Variants in ZNF644 observed in about 807,000 individuals in gnomAD.
ZNF644 encodes zinc finger motif enhancer binding protein 2.
A neutral mutation model predicts 108.0 loss-of-function variants in ZNF644; 20 were observed. The ratio of observed to expected loss-of-function variants is 0.19; its 90% confidence interval spans 0.13 to 0.27. The LOEUF is 0.27. ZNF644 is among the 10% of genes least tolerant of loss of function. The pLI is 1.00. For missense variants in ZNF644, 1,338 were observed against 1,548.9 expected, an observed-to-expected ratio of 0.86 and a Z score of 2.29; for synonymous variants, 542 against 539.1, an observed-to-expected ratio of 1.01 and a Z score of -0.08.
chr1:90,935,451 G>A, intron 4 of ZNF644: 5 of 985,780 alleles, frequency 5.1e-6, no homozygotes, highest in Non-Finnish European at 6.0e-6. Flanking sequence ...GTGCATAAGC[G>A]CGTAAGTGGT....
At chr1:90,989,424 T>C (rs999960410) in intron 1 of ZNF644, among the ~76,000 whole-genome samples, 2 of 152,124 alleles carry the variant, frequency 1.3e-5, no homozygotes, top group African/African-American at 2.4e-5. Flanking sequence ...GCGTTTGTAG[T>C]ACCAGCTACT....
chr1:90,960,069 T>C (rs186507942), intron 2 of ZNF644, among the ~76,000 whole-genome samples: 7 of 152,152 alleles, frequency 4.6e-5, no homozygotes, highest in South Asian at 2.1e-4. Flanking sequence ...TGTCATGATA[T>C]TGCAGTACTT....
chr1:90,920,393 G>C (rs1220676743), intron 4 of ZNF644, among the ~76,000 whole-genome samples: 1 of 151,994 alleles, frequency 6.6e-6, no homozygotes, highest in Non-Finnish European at 1.5e-5. Context: ...GCAAATTGAG[G>C]AAGAAGGGCA....
chr1:90,963,789 A>C (rs1346768481), intron 2 of ZNF644, among the ~76,000 whole-genome samples: 1 of 152,136 alleles, frequency 6.6e-6, no homozygotes, highest in East Asian at 1.9e-4. Flanking sequence ...AGTGACTGAG[A>C]AAAGAGACAT....
At chr1:90,929,566 TAA>T (rs1230778842) in intron 4 of ZNF644, among the ~76,000 whole-genome samples, 1 of 152,210 alleles carries the variant, frequency 6.6e-6, no homozygotes, top group African/African-American at 2.4e-5. Flanking sequence ...ATATTATTTT[TAA>T]AAGACACTAC....
chr1:90,937,497 T>G lies in ZNF644; in HGVS notation c.3676A>C (p.Thr1226Pro), dbSNP rs979815314. The G allele has an allele frequency of 1.2e-6, 2 of 1,613,778 alleles. No homozygotes were observed. Among genetic ancestry groups the G allele is most frequent in the Non-Finnish European group, 1.7e-6 (2 of 1,179,720 alleles). Reference sequence around the variant, plus strand: ...AACGTCCTCTTACCTGAGTGCATAGTCAAGTCCATTTTTTGTGGCTGATAC... The same window carrying G: ...AACGTCCTCTTACCTGAGTGCATAGGCAAGTCCATTTTTTGTGGCTGATAC... ...LMYQPQKMDL[T>P]MHSALDCKQK... The change falls in exon 4 of 6, where the codon ACT becomes CCT. Residue 1226 changes from threonine (T) to proline (P), a missense_variant. Physicochemically the swap from Thr to Pro is conservative, Grantham distance 38 (BLOSUM62 -1). Coordinates refer to ENST00000337393, the MANE Select transcript of ZNF644 (RefSeq NM_201269.3).
chr1:90,983,812 A>G (rs1656821331), intron 1 of ZNF644, among the ~76,000 whole-genome samples: 1 of 152,332 alleles, frequency 6.6e-6, no homozygotes, highest in Admixed American at 6.5e-5. Flanking sequence ...CCGTAGTCCC[A>G]ACTACTCAGG....
chr1:90,992,952 G>C (rs775204017), intron 1 of ZNF644, among the ~76,000 whole-genome samples: 6 of 152,166 alleles, frequency 3.9e-5, no homozygotes, highest in Non-Finnish European at 8.8e-5. Flanking sequence ...GCCAAGGCAG[G>C]AGGATTGCAT....
intron 2 of ZNF644, among the ~76,000 whole-genome samples, chr1:90,967,776 G>A (rs1274993366): frequency 4.6e-5 from 7 of 151,792 alleles, no homozygotes; most frequent in Admixed American, 2.0e-4. Flanking sequence ...GGCCAGGCAC[G>A]GTGGCTCACG....
At chr1:90,950,992 T>C (rs969236488) in intron 2 of ZNF644, among the ~76,000 whole-genome samples, 11 of 152,206 alleles carry the variant, frequency 7.2e-5, no homozygotes, top group African/African-American at 2.7e-4. Context: ...GCCTTCCTCA[T>C]CTATATCAGT....
At chr1:90,958,773 A>C (rs1216773375) in intron 2 of ZNF644, among the ~76,000 whole-genome samples, 9 of 152,200 alleles carry the variant, frequency 5.9e-5, no homozygotes, top group Admixed American at 6.5e-5. Flanking sequence ...CACGTGCAAA[A>C]GAATGAAGTT....
intron 1 of ZNF644, among the ~76,000 whole-genome samples, chr1:91,001,761 T>A (rs1658858125): frequency 6.6e-6 from 1 of 152,238 alleles, no homozygotes; most frequent in Non-Finnish European, 1.5e-5. Flanking sequence ...TGTTTGCAGA[T>A]GACATGATTG....
intron 1 of ZNF644, among the ~76,000 whole-genome samples, chr1:90,997,176 C>T (rs974490907): frequency 2.6e-5 from 4 of 152,132 alleles, no homozygotes; most frequent in East Asian, 1.9e-4. Flanking sequence ...GCTGTATACA[C>T]GCCCAGGAAA....
Position 90,940,489 on chromosome 1 carries a change from T to C in ZNF644, c.865A>G (p.Lys289Glu). 4 of 1,613,864 alleles carry C rather than the reference T, an allele frequency of 2.5e-6. No homozygotes were observed. The highest frequency in any genetic ancestry group is 2.2e-5 in the South Asian group (2 of 91,066). Residue 289 changes from lysine (K) to glutamate (E), a missense_variant, in exon 3 of 6, where the codon AAA becomes GAA. Around this residue, in one of 6 missense-constraint regions of ZNF644, gnomAD observed 464 missense variants for 457.9 expected, o/e 1.01. Transcript: ENST00000337393. Reference sequence around the variant, plus strand: ...ACATCCATTTTTCGCTTTCTTTTTTTTTCTAGACCTATTTTAGAATGAGGT... The same window carrying C: ...ACATCCATTTTTCGCTTTCTTTTTTCTTCTAGACCTATTTTAGAATGAGGT... ...APPHSKIGLE[K>E]KRKRKMDVSK...
chr1:90,973,134 A>C (rs1655664051), intron 2 of ZNF644: 1 of 152,130 alleles, frequency 6.6e-6, no homozygotes. Context: ...AATAAAAAAA[A>C]AAACTAGAAA....
Position 90,938,822 on chromosome 1 carries a change from A to T in ZNF644, c.2532T>A (p.Leu844=). The T allele has an allele frequency of 6.2e-7, 1 of 1,613,854 alleles. No homozygotes were observed. The highest frequency in any genetic ancestry group is 1.3e-5 in the African/African-American group (1 of 75,046). Residue 844 remains leucine (L), a synonymous_variant, in exon 3 of 6, where the codon CTT becomes CTA. Transcript: ENST00000337393. This position sits in a 1 kb window ranked among gnomAD's most constrained non-coding sequence, Gnocchi z 4.2. ...HKMTVVVLQK[L]NSAEKKDSYE... ...AACTATCTTTCTTTTCAGCAGAATTAAGTTTTTGCAAAACGACAACAGTCA... is the reference window on the plus strand; with the variant it reads ...AACTATCTTTCTTTTCAGCAGAATTTAGTTTTTGCAAAACGACAACAGTCA...
intron 2 of ZNF644, among the ~76,000 whole-genome samples, chr1:90,953,440 G>A (rs181874905): frequency 1.7e-3 from 265 of 151,862 alleles, no homozygotes; most frequent in Non-Finnish European, 3.0e-3. Flanking sequence ...GGCTTAATAT[G>A]TAGGTGATGG....
intron 4 of ZNF644, chr1:90,918,467 T>C (rs2100764693): frequency 3.9e-6 from 1 of 258,710 alleles, no homozygotes; most frequent in South Asian, 6.4e-5. Context: ...AAGTACTAAA[T>C]TGGTCAATTA....
At chr1:91,013,442 ATCTC>A (rs879567128) in intron 1 of ZNF644, among the ~76,000 whole-genome samples, 4 of 100,258 alleles carry the variant, frequency 4.0e-5, no homozygotes, top group Admixed American at 1.1e-4. Flanking sequence ...TATATTTCCA[ATCTC>A]TCTCTCACAC....
Sources: gnomAD v4.1 joint callset for allele counts (sites outside exome capture counted in the v4.1 genomes callset) on GRCh38, gnomAD v4.1.1 for gene constraint, gnomAD v4.1.1 regional missense constraint, Gnocchi (gnomAD v3.1) non-coding constraint, MANE v1.5 for transcripts, NCBI Gene and HGNC (gene_info 2026-07-23, HGNC 2026-07-21) for gene names.